The following MTA3 variants were observed in gnomAD, a reference collection of about 807,000 sequenced individuals.
MTA3 encodes metastasis-associated protein MTA3.
In MTA3, 34 loss-of-function variants were observed where a neutral mutation model predicts 83.5. That is an observed-to-expected ratio of 0.41 (90% CI 0.31 to 0.54). MTA3 has a LOEUF of 0.54. Ranked by LOEUF, MTA3 falls within the 20% of genes least tolerant of loss-of-function variation. MTA3 has a pLI of 0.33. For missense variants in MTA3, 761 were observed against 726.4 expected, an observed-to-expected ratio of 1.05 and a Z score of -0.55; for synonymous variants, 303 against 252.7, an observed-to-expected ratio of 1.20 and a Z score of -1.89.
At chr2:42,507,850 G>T (rs11902134) in intron 2 of MTA3, among the ~76,000 whole-genome samples, 17 of 150,772 alleles carry the variant, frequency 1.1e-4, no homozygotes, top group African/African-American at 4.2e-4. Flanking sequence ...ATGATGGCTT[G>T]AGCCCGGGAG....
chr2:42,656,718 T>G (rs1243463857), intron 7 of MTA3, among the ~76,000 whole-genome samples: 1 of 152,204 alleles, frequency 6.6e-6, no homozygotes, highest in Non-Finnish European at 1.5e-5. Context: ...AGCATAGCAC[T>G]TTGCCTTGAG....
rs1674706409 is a variant in MTA3, at chr2:42,507,860, G to A, written c.-141+12606G>A. On this transcript the variant is annotated intron_variant, in intron 2 of 17. Coordinates refer to the MTA3 transcript ENST00000405592. The stretch of plus-strand genomic sequence containing the variant: ...GTGGGATGATGGCTTGAGCCCGGGA[G>A]GCAGAGATTGCAGTGACAGAGGTTG... Among the ~76,000 whole-genome samples, 3 of 151,650 alleles carry A rather than the reference G, an allele frequency of 2.0e-5. No homozygotes were observed. The South Asian group carries it at 6.3e-4, about 32-fold the overall frequency.
chr2:42,620,266 G>A (rs1166678995), intron 4 of MTA3, among the ~76,000 whole-genome samples: 1 of 151,842 alleles, frequency 6.6e-6, no homozygotes, highest in Non-Finnish European at 1.5e-5. Context: ...TTACAGATGT[G>A]CACTGCCACG....
chr2:42,564,237 CTAAAGG>C (rs1366804131), upstream of MTA3, among the ~76,000 whole-genome samples: 1 of 152,200 alleles, frequency 6.6e-6, no homozygotes, highest in East Asian at 1.9e-4. Flanking sequence ...TTTCTACTAC[CTAAAGG>C]TAATGTTACT....
chr2:42,665,345 T>C (rs182009858), intron 8 of MTA3, among the ~76,000 whole-genome samples: 38 of 152,234 alleles, frequency 2.5e-4, no homozygotes, highest in Non-Finnish European at 3.7e-4. Context: ...TGATCCGAGA[T>C]TGTGCCACTG....
At chr2:42,587,485 TAC>T (rs1680480639) in intron 3 of MTA3, among the ~76,000 whole-genome samples, 1 of 152,208 alleles carries the variant, frequency 6.6e-6, no homozygotes. Flanking sequence ...TGAAATAAAA[TAC>T]ATACAAAAAT....
chr2:42,742,192 G>A (rs1446871929), intron 16 of MTA3, among the ~76,000 whole-genome samples: 1 of 149,226 alleles, frequency 6.7e-6, no homozygotes. Context: ...AGGCTGAAGT[G>A]CAGTGGCATG....
chr2:42,587,595 C>A (rs1318880570), intron 3 of MTA3, among the ~76,000 whole-genome samples: 2 of 150,956 alleles, frequency 1.3e-5, no homozygotes, highest in Non-Finnish European at 3.0e-5. Context: ...TTTATTTATT[C>A]ATTTATTTGT....
chr2:42,534,505 G>A (rs1676127873), intron 2 of MTA3, among the ~76,000 whole-genome samples: 1 of 152,058 alleles, frequency 6.6e-6, no homozygotes, highest in Non-Finnish European at 1.5e-5. Flanking sequence ...GCTGAGGGAG[G>A]AGAATCGCTT....
At chr2:42,676,172 GT>G (rs1691338551) in intron 8 of MTA3, among the ~76,000 whole-genome samples, 1 of 152,140 alleles carries the variant, frequency 6.6e-6, no homozygotes, top group Non-Finnish European at 1.5e-5. Flanking sequence ...AAAGCAAATG[GT>G]TCCTTCAGTG....
chr2:42,524,143 C>G (rs377001352), intron 2 of MTA3, among the ~76,000 whole-genome samples: 1 of 151,998 alleles, frequency 6.6e-6, no homozygotes, highest in African/African-American at 2.4e-5. Flanking sequence ...AACCATGGTT[C>G]TAGATTGGAA....
chr2:42,577,008 C>T (rs1187784343), intron 2 of MTA3, among the ~76,000 whole-genome samples: 2 of 148,578 alleles, frequency 1.3e-5, no homozygotes, highest in African/African-American at 2.5e-5. Flanking sequence ...GCAGGAGGAT[C>T]GCTTGAACCA....
intron 2 of MTA3, among the ~76,000 whole-genome samples, chr2:42,520,690 C>T (rs1302020888): frequency 6.6e-6 from 1 of 152,004 alleles, no homozygotes; most frequent in African/African-American, 2.4e-5. Context: ...CTCAACGTCC[C>T]AAGTAGCTAG....
intron 6 of MTA3, among the ~76,000 whole-genome samples, chr2:42,655,561 A>G (rs999293350): frequency 1.3e-5 from 2 of 152,088 alleles, no homozygotes; most frequent in South Asian, 2.1e-4. Flanking sequence ...GGTTTATATC[A>G]TATGTATTTA....
chr2:42,542,485 C>T (rs13393117), intron 2 of MTA3, among the ~76,000 whole-genome samples: 31 of 152,282 alleles, frequency 2.0e-4, no homozygotes, highest in Non-Finnish European at 3.8e-4. Flanking sequence ...AACCGTCACA[C>T]GTACACCCCT....
intron 14 of MTA3, 167 bp downstream of exon 14, chr2:42,709,263 G>C (rs1666394933): frequency 7.1e-7 from 1 of 1,402,180 alleles, no homozygotes; most frequent in Non-Finnish European, 9.2e-7. Flanking sequence ...GCTGCCATTT[G>C]TATCATGCCA....
Position 42,635,758 on chromosome 2 carries a change from A to G in MTA3, c.318-4415A>G, listed in dbSNP as rs139892375. On this transcript the variant is annotated intron_variant, in intron 4 of 16. Transcript: ENST00000405094. ...AAGTTTAATGTCAAACTCTGCATCT[A>G]TAGGAATTTTTCTGTTTTTTTTTCC... 4.8e-4 allele frequency among the ~76,000 whole-genome samples: 73 copies of G among 152,228 alleles called. No individual in the cohort carries two copies. The East Asian group carries it at 0.011, about 23-fold the overall frequency.
chr2:42,615,712 T>TTTTC, intron 4 of MTA3, among the ~76,000 whole-genome samples: 1 of 47,442 alleles, frequency 2.1e-5, no homozygotes, highest in African/African-American at 1.1e-4. Flanking sequence ...TAATCTCTTC[T>TTTTC]TTTTTTTTTT....
At chr2:42,633,899 A>G (rs1038925064) in intron 4 of MTA3, among the ~76,000 whole-genome samples, 1 of 152,146 alleles carries the variant, frequency 6.6e-6, no homozygotes, top group Non-Finnish European at 1.5e-5. Context: ...AAAAAAAAAA[A>G]AAACATATTC....
Sources: gnomAD v4.1 joint callset for allele counts (sites outside exome capture counted in the v4.1 genomes callset) on GRCh38, gnomAD v4.1.1 for gene constraint, MANE v1.5 for transcripts, NCBI Gene and HGNC (gene_info 2026-07-23, HGNC 2026-07-21) for gene names.